MAP2K4: variants seen among roughly 807,000 people sequenced by gnomAD.
MAP2K4 encodes dual specificity mitogen-activated protein kinase kinase 4.
A neutral mutation model predicts 48.5 loss-of-function variants in MAP2K4; 4 were observed. The observed-to-expected ratio is 0.08, with a 90% CI of 0.04 to 0.19. The LOEUF (loss-of-function observed/expected upper bound fraction) is 0.19, where lower values mean the gene tolerates loss of function less well. Ranked by LOEUF, MAP2K4 falls within the 10% of genes least tolerant of loss-of-function variation. The pLI is 1.00. For missense variants in MAP2K4, 258 were observed against 493.3 expected (o/e 0.52, Z 4.52); for synonymous variants, 166 against 173.1 (o/e 0.96, Z 0.32).
chr17:12,060,170 A>T (rs75346380), intron 2 of MAP2K4, among the ~76,000 whole-genome samples: 4 of 137,682 alleles, frequency 2.9e-5, no homozygotes, highest in Non-Finnish European at 4.6e-5. Context: ...TGTCTCTATT[A>T]AAAAAAAAAA....
chr17:12,113,200 A>G lies in MAP2K4; in HGVS notation c.686-33A>G. 2.5e-6 allele frequency: 4 copies of G among 1,598,798 alleles called. No individual in the cohort carries two copies. The South Asian group carries it at 3.3e-5, about 13-fold the overall frequency. On this transcript the variant is annotated intron_variant, in intron 6 of 10. Coordinates refer to ENST00000353533, the MANE Select transcript of MAP2K4 (RefSeq NM_003010.4). ...GCCTTATGTAACTTAGGAAGAAGCT[A>G]ATTGTATACTGAATGATATCTATGT...
At chr17:12,115,559 C>T (rs919043991) in intron 7 of MAP2K4, 8 of 687,218 alleles carry the variant, frequency 1.2e-5, no homozygotes, top group Non-Finnish European at 2.2e-5. Context: ...GGAAGACTAC[C>T]AGGCTGCGGA....
intron 7 of MAP2K4, 70 bp downstream of exon 7, chr17:12,113,430 C>A (rs2151577840): frequency 6.5e-7 from 1 of 1,543,934 alleles, no homozygotes; most frequent in Non-Finnish European, 8.8e-7. Context: ...TTTGTGCTGG[C>A]CATTAGTCAT....
chr17:12,065,298 T>TATTATTGG (rs1970580404), intron 2 of MAP2K4, among the ~76,000 whole-genome samples: 1 of 126,498 alleles, frequency 7.9e-6, no homozygotes, highest in Non-Finnish European at 1.8e-5. Flanking sequence ...TTATTGGTGT[T>TATTATTGG]TGTTGTTTTT....
chr17:12,137,954 T>C (rs923602782), intron 9 of MAP2K4, among the ~76,000 whole-genome samples: 1 of 152,166 alleles, frequency 6.6e-6, no homozygotes, highest in East Asian at 1.9e-4. Flanking sequence ...CATTTATGTA[T>C]TGAAGCAAAA....
chr17:12,113,882 A>T (rs985508000), intron 7 of MAP2K4, among the ~76,000 whole-genome samples: 7 of 152,198 alleles, frequency 4.6e-5, no homozygotes, highest in Admixed American at 6.5e-5. Flanking sequence ...CTATCCATCC[A>T]TAGATATCAA....
intron 2 of MAP2K4, among the ~76,000 whole-genome samples, chr17:12,067,955 G>A (rs961331790): frequency 3.3e-5 from 5 of 152,250 alleles, no homozygotes; most frequent in African/African-American, 4.8e-5. Context: ...TGAAATATGG[G>A]CCTAATTTAG....
chr17:12,142,505 C>T lies in MAP2K4; in HGVS notation c.*1245C>T. 2 of 232,906 alleles carry T rather than the reference C, an allele frequency of 8.6e-6. No individual in the cohort carries two copies. Among genetic ancestry groups the T allele is most frequent in the Non-Finnish European group, 1.7e-5 (2 of 117,882 alleles). The allele number at this position is 232,906 out of a possible 1,614,324, so 14.4% of individuals were successfully genotyped here. A position where few individuals can be genotyped will look rare whatever the true frequency, so the allele number is the denominator to read the frequency against. On this transcript the variant is annotated 3_prime_UTR_variant, in exon 11 of 11. Coordinates refer to ENST00000353533, the MANE Select transcript of MAP2K4 (RefSeq NM_003010.4). Reference sequence around the variant, plus strand: ...TTTTTAGCCCCAAATCTCTCATATTCGCTAGTGTTTAAAAGGCTAAGAATA... The same window carrying T: ...TTTTTAGCCCCAAATCTCTCATATTTGCTAGTGTTTAAAAGGCTAAGAATA...
At chr17:12,030,582 T>C (rs970027255) in intron 1 of MAP2K4, among the ~76,000 whole-genome samples, 2 of 152,248 alleles carry the variant, frequency 1.3e-5, no homozygotes, top group Non-Finnish European at 2.9e-5. Context: ...ATTGGCGACA[T>C]TCTGTCATTC....
intron 4 of MAP2K4, among the ~76,000 whole-genome samples, chr17:12,101,034 A>G (rs1971920125): frequency 6.6e-6 from 1 of 152,086 alleles, no homozygotes; most frequent in African/African-American, 2.4e-5. Flanking sequence ...TATTCTTCAC[A>G]GTGTTTTTGG....
intron 7 of MAP2K4, among the ~76,000 whole-genome samples, chr17:12,117,491 G>T (rs970017065): frequency 5.9e-5 from 9 of 152,158 alleles, no homozygotes; most frequent in African/African-American, 2.2e-4. Context: ...ACATAAGCAT[G>T]CCTACAAAGG....
At chr17:12,107,731 A>G in intron 4 of MAP2K4, 59 bp from the exon 5 acceptor site, 1 of 1,393,894 alleles carries the variant, frequency 7.2e-7, no homozygotes, top group Non-Finnish European at 9.8e-7. Context: ...TTCCATTTTA[A>G]GTAAAGGCAA....
chr17:12,044,062 A>G (rs1472041642), intron 1 of MAP2K4, among the ~76,000 whole-genome samples: 1 of 152,130 alleles, frequency 6.6e-6, no homozygotes. Flanking sequence ...AAAGGGCCAC[A>G]TTATCGGTAA....
intron 9 of MAP2K4, among the ~76,000 whole-genome samples, chr17:12,137,508 G>A (rs1973243575): frequency 6.6e-6 from 1 of 152,168 alleles, no homozygotes; most frequent in African/African-American, 2.4e-5. Context: ...CAGACTTGAT[G>A]TTCTCTAGAC....
intron 1 of MAP2K4, among the ~76,000 whole-genome samples, chr17:12,022,349 T>A (rs1415704159): frequency 6.6e-6 from 1 of 152,226 alleles, no homozygotes; most frequent in African/African-American, 2.4e-5. Context: ...CCTCAGATAA[T>A]TCATTCAAAT....
At chr17:12,094,919 ATGCTG>A (rs1971684849) in intron 3 of MAP2K4, among the ~76,000 whole-genome samples, 1 of 152,194 alleles carries the variant, frequency 6.6e-6, no homozygotes, top group African/African-American at 2.4e-5. Context: ...GCTGCCCTAC[ATGCTG>A]ACTCATGGGT....
intron 9 of MAP2K4, among the ~76,000 whole-genome samples, chr17:12,132,701 C>G (rs1187836319): frequency 6.6e-6 from 1 of 151,668 alleles, no homozygotes; most frequent in Admixed American, 6.6e-5. Flanking sequence ...ATGGTCGACT[C>G]GTGGGTTGAT....
chr17:12,132,529 G>A (rs1007972100), intron 9 of MAP2K4, among the ~76,000 whole-genome samples: 3 of 151,916 alleles, frequency 2.0e-5, no homozygotes, highest in African/African-American at 7.3e-5. Context: ...GGTATTGGAA[G>A]TCAGAATATT....
At chr17:12,137,505 G>C (rs1221883968) in intron 9 of MAP2K4, among the ~76,000 whole-genome samples, 1 of 152,198 alleles carries the variant, frequency 6.6e-6, no homozygotes, top group African/African-American at 2.4e-5. Flanking sequence ...CAACAGACTT[G>C]ATGTTCTCTA....
Sources: allele counts gnomAD v4.1 joint callset (sites outside exome capture counted in the v4.1 genomes callset), GRCh38; gene constraint gnomAD v4.1.1; transcripts MANE v1.5; gene names NCBI Gene and HGNC (gene_info 2026-07-23, HGNC 2026-07-21).